Variants in IL1RAPL1 observed in about 807,000 individuals in gnomAD.
The protein encoded by IL1RAPL1 is interleukin 1 receptor accessory protein like 1.
Under a neutral mutation model 48.4 loss-of-function variants are expected in IL1RAPL1, and 3 were observed. The observed-to-expected ratio is 0.06, with a 90% CI of 0.03 to 0.16. The LOEUF is 0.16. IL1RAPL1 is among the 10% of genes least tolerant of loss of function. The pLI, the probability that IL1RAPL1 is intolerant of heterozygous loss-of-function variation, is 1.00. For synonymous variants in IL1RAPL1, 185 were observed against 187.7 expected (o/e 0.99, Z 0.12); for missense variants, 349 against 530.6 (o/e 0.66, Z 3.36).
chrX:29,471,586 G>A (rs1056708840), intron 5 of IL1RAPL1, among the ~76,000 whole-genome samples: 4 of 111,299 alleles, frequency 3.6e-5, no homozygotes, highest in African/African-American at 1.3e-4. Context: ...ACAGCTATCT[G>A]GGAACAAAAA....
intron 5 of IL1RAPL1, among the ~76,000 whole-genome samples, chrX:29,600,343 G>T (rs1923681201): frequency 8.9e-6 from 1 of 111,909 alleles, no homozygotes; most frequent in Admixed American, 9.4e-5. Context: ...CTGGTACTGG[G>T]GAGTGTCTGC....
chrX:29,885,734 A>G (rs897947096), intron 6 of IL1RAPL1, among the ~76,000 whole-genome samples: 11 of 111,700 alleles, frequency 9.8e-5, no homozygotes, highest in African/African-American at 3.6e-4. Flanking sequence ...CGGGAGGTTC[A>G]CTTGAGCCCA....
intron 5 of IL1RAPL1, among the ~76,000 whole-genome samples, chrX:29,483,107 G>T (rs1935058378): frequency 8.9e-6 from 1 of 111,911 alleles, no homozygotes; most frequent in African/African-American, 3.2e-5. Context: ...TTTAGAAGAT[G>T]CCAGTGGGAT....
intron 2 of IL1RAPL1, among the ~76,000 whole-genome samples, chrX:29,012,876 G>A (rs1926156068): frequency 8.9e-6 from 1 of 111,793 alleles, no homozygotes; most frequent in Non-Finnish European, 1.9e-5. Context: ...CACTTGATAG[G>A]TGCCAAAACC....
rs145939648 is a variant in IL1RAPL1 at position 28,654,652 on chromosome X, T to C, written c.-25+66605T>C. Among the ~76,000 whole-genome samples, 772 of 112,125 alleles carry C rather than the reference T, an allele frequency of 6.9e-3. 7 individuals are homozygous for C. The highest frequency in any genetic ancestry group is 0.024 in the African/African-American group (731 of 30,878). On this transcript the variant is annotated intron_variant, in intron 1 of 10. Coordinates refer to ENST00000378993, the MANE Select transcript of IL1RAPL1 (RefSeq NM_014271.4). ...GCAATTTATTTGGTCCATACGTGGA[T>C]AGAAAATATCAAGCACAGGGAAGGA...
At chrX:28,939,584 G>A (rs769024616) in intron 2 of IL1RAPL1, among the ~76,000 whole-genome samples, 4 of 110,729 alleles carry the variant, frequency 3.6e-5, no homozygotes, top group African/African-American at 9.8e-5. Flanking sequence ...TGTTTACTAC[G>A]TTTAGTACCT....
intron 6 of IL1RAPL1, among the ~76,000 whole-genome samples, chrX:29,745,580 G>T (rs1384671600): frequency 9.3e-6 from 1 of 107,140 alleles, no homozygotes; most frequent in African/African-American, 3.4e-5. Context: ...TCAAGTAGCT[G>T]GGATTATAGG....
At chrX:28,709,962 A>G (rs998676554) in intron 1 of IL1RAPL1, among the ~76,000 whole-genome samples, 2 of 112,085 alleles carry the variant, frequency 1.8e-5, no homozygotes, top group African/African-American at 6.5e-5. Flanking sequence ...GTTGGATTGT[A>G]TTTTAGTGTA....
intron 1 of IL1RAPL1, among the ~76,000 whole-genome samples, chrX:28,654,180 A>G (rs1260254324): frequency 2.3e-5 from 2 of 88,699 alleles, no homozygotes; most frequent in African/African-American, 4.4e-5. Context: ...CTAGCAGTCT[A>G]TGATTTGGTG....
chrX:29,668,431 C>T lies in IL1RAPL1; in HGVS notation c.705C>T (p.Ala235=). The T allele has an allele frequency of 8.3e-7, 1 of 1,203,742 alleles. No individual in the cohort carries two copies. Among genetic ancestry groups the T allele is most frequent in the Non-Finnish European group, 1.1e-6 (1 of 888,563 alleles). The change falls in exon 6 of 11, where the codon GCC becomes GCT. Residue 235 remains alanine, a splice_region_variant and synonymous_variant. Transcript: ENST00000378993. ...VRRTTELTVT[A]PLTDKPPKLL... ...ATTATTATTGTTGTTGTTTTTCAGC[C>T]CCTCTGACTGATAAGCCACCCAAGC...
Position 29,471,789 on chromosome X carries a change from A to G in IL1RAPL1, c.703+72481A>G, listed in dbSNP as rs1934924704. 1.8e-5 allele frequency among the ~76,000 whole-genome samples: 2 copies of G among 111,518 alleles called. 1 individual carries two copies. Among genetic ancestry groups the G allele is most frequent in the Non-Finnish European group, 3.8e-5 (2 of 53,082 alleles). On this transcript the variant is annotated intron_variant, in intron 5 of 10. Transcript: ENST00000378993. The stretch of plus-strand genomic sequence containing the variant: ...TGCCCATTTTGAATATTTCATATAA[A>G]TGGAATCATCCAATATGTGACTTTT...
chrX:29,914,362 C>T (rs1463957527), intron 6 of IL1RAPL1, among the ~76,000 whole-genome samples: 1 of 111,742 alleles, frequency 8.9e-6, no homozygotes, highest in Non-Finnish European at 1.9e-5. Context: ...AATTCAGGTT[C>T]CAATGAGGAG....
chrX:28,734,445 G>A (rs779012989), intron 1 of IL1RAPL1, among the ~76,000 whole-genome samples: 7 of 110,762 alleles, frequency 6.3e-5, no homozygotes, highest in Non-Finnish European at 1.3e-4. Flanking sequence ...CTAGACATGT[G>A]CCTACCTTAA....
At chrX:29,577,081 A>G (rs1286715637) in intron 5 of IL1RAPL1, among the ~76,000 whole-genome samples, 1 of 111,782 alleles carries the variant, frequency 8.9e-6, no homozygotes, top group Non-Finnish European at 1.9e-5. Context: ...AAAATTATGC[A>G]TTCATCTTAG....
At chrX:28,830,738 G>C (rs1039191418) in intron 2 of IL1RAPL1, among the ~76,000 whole-genome samples, 1 of 109,649 alleles carries the variant, frequency 9.1e-6, no homozygotes, top group Non-Finnish European at 1.9e-5. Flanking sequence ...AATTTTTTTT[G>C]TTCAACATGG....
chrX:28,873,448 C>T (rs765068653), intron 2 of IL1RAPL1, among the ~76,000 whole-genome samples: 1 of 106,904 alleles, frequency 9.4e-6, no homozygotes, highest in Non-Finnish European at 1.9e-5. Flanking sequence ...CTAAGTGGTG[C>T]CATAAGGATA....
chrX:28,728,735 G>A (rs1353386285), intron 1 of IL1RAPL1, among the ~76,000 whole-genome samples: 1 of 111,102 alleles, frequency 9.0e-6, no homozygotes, highest in Non-Finnish European at 1.9e-5. Context: ...GGGAACTTCC[G>A]GCATTGCAAT....
intron 6 of IL1RAPL1, among the ~76,000 whole-genome samples, chrX:29,672,419 A>G (rs180977785): frequency 9.0e-6 from 1 of 111,579 alleles, no homozygotes; most frequent in African/African-American, 3.2e-5. Flanking sequence ...CTTTGATACT[A>G]AAATCACCTC....
intron 2 of IL1RAPL1, among the ~76,000 whole-genome samples, chrX:28,910,764 T>A (rs1273358022): frequency 9.3e-6 from 1 of 108,018 alleles, no homozygotes; most frequent in East Asian, 2.9e-4. Flanking sequence ...AGATTTAGAG[T>A]AGCTGCATTA....
Sources: gnomAD v4.1 joint callset for allele counts (sites outside exome capture counted in the v4.1 genomes callset) on GRCh38, gnomAD v4.1.1 for gene constraint, MANE v1.5 for transcripts, NCBI Gene and HGNC (gene_info 2026-07-23, HGNC 2026-07-21) for gene names.